Variants in MELK observed in about 807,000 individuals in gnomAD.
MELK encodes the protein maternal embryonic leucine zipper kinase.
A neutral mutation model predicts 85.0 loss-of-function variants in MELK; 81 were observed. That is an observed-to-expected ratio of 0.95 (90% CI 0.80 to 1.15). MELK has a LOEUF of 1.15. Among genes scored for constraint, MELK ranks in the 50% most tolerant of loss-of-function variants. The probability of loss-of-function intolerance (pLI) is 0.00; values close to 1 mark genes in which losing one functional copy is unlikely to be tolerated. For synonymous variants in MELK, 252 were observed against 265.0 expected (o/e 0.95, Z 0.48); for missense variants, 754 against 777.5 (o/e 0.97, Z 0.36).
Position 36,643,052 on chromosome 9 carries a change from A to G in MELK, c.890A>G (p.Asn297Ser). 6.2e-7 allele frequency: 1 copy of G among 1,613,382 alleles called. No individual in the cohort carries two copies. The change falls in exon 11 of 18, where the codon AAC becomes AGC. Residue 297 changes from asparagine (N) to serine (S), a missense_variant. Coordinates refer to ENST00000298048, the MANE Select transcript of MELK (RefSeq NM_014791.4). Reference protein sequence around the residue: ...VTELSVHHRNNRQTMEDLISL... With the variant: ...VTELSVHHRNSRQTMEDLISL... ...GAACTTTCTGTACATCACAGAAACA[A>G]CAGGCAAACAATGGAGGATTTAATT...
intron 8 of MELK, among the ~76,000 whole-genome samples, chr9:36,627,524 C>CT (rs150933274): frequency 0.12 from 16,346 of 134,466 alleles, 1,571 homozygotes; most frequent in African/African-American, 0.24. Flanking sequence ...CTCTCTCTCT[C>CT]TTTTTTTTTT....
chr9:36,607,653 G>C lies in MELK; in HGVS notation c.646G>C (p.Ala216Pro), dbSNP rs1315191230. 5 of 1,605,174 alleles carry C rather than the reference G, an allele frequency of 3.1e-6. No individual in the cohort carries two copies. The highest frequency in any genetic ancestry group is 4.3e-6 in the Non-Finnish European group (5 of 1,171,982). ...ACCATTTGATGATGATAATGTAATGGCTTTATACAAGAAGATTATGGTGAG... is the reference window on the plus strand; with the variant it reads ...ACCATTTGATGATGATAATGTAATGCCTTTATACAAGAAGATTATGGTGAG... The part of the protein sequence containing the change: ...FLPFDDDNVM[A>P]LYKKIMRGKY... Residue 216 changes from alanine to proline, a missense_variant, in exon 8 of 18, where the codon GCT (alanine) becomes CCT (proline). By Grantham distance (27) the Ala-to-Pro change is conservative. Transcript: ENST00000298048.
At chr9:36,597,617 A>G (rs1455734197) in intron 6 of MELK, among the ~76,000 whole-genome samples, 1 of 152,168 alleles carries the variant, frequency 6.6e-6, no homozygotes, top group Non-Finnish European at 1.5e-5. Context: ...GTTTGAGTAT[A>G]TTGCCACTAG....
chr9:36,607,216 T>A (rs1216364098), intron 7 of MELK, among the ~76,000 whole-genome samples: 1 of 152,242 alleles, frequency 6.6e-6, no homozygotes, highest in Non-Finnish European at 1.5e-5. Flanking sequence ...TACATAATCT[T>A]CATATGTAAC....
chr9:36,598,912 A>G (rs1824597602), intron 6 of MELK, among the ~76,000 whole-genome samples: 1 of 152,222 alleles, frequency 6.6e-6, no homozygotes, highest in Admixed American at 6.5e-5. Context: ...ACGTGCATGC[A>G]CACATGTATA....
At chr9:36,577,187 G>A (rs1055263410) in intron 1 of MELK, among the ~76,000 whole-genome samples, 3 of 152,090 alleles carry the variant, frequency 2.0e-5, no homozygotes, top group Non-Finnish European at 2.9e-5. Context: ...GGTAGTTTAC[G>A]TGGCACCTGC....
chr9:36,674,900 A>C lies in MELK; in HGVS notation c.1741A>C (p.Ile581Leu). 1 of 1,598,370 alleles carries C rather than the reference A, an allele frequency of 6.3e-7. No individual in the cohort carries two copies. The highest frequency in any genetic ancestry group is 1.1e-5 in the South Asian group (1 of 90,772). ...PDQLLNEIMS[I>L]LPKKHVDFVQ... ...TCAACTGTTGAATGAAATAATGTCTATTCTTCCAAAGAAGCATGTTGACTT... is the reference window on the plus strand; with the variant it reads ...TCAACTGTTGAATGAAATAATGTCTCTTCTTCCAAAGAAGCATGTTGACTT... Residue 581 changes from isoleucine (I) to leucine (L), a missense_variant, in exon 17 of 18, where the codon ATT becomes CTT. By Grantham distance (5) the Ile-to-Leu change is conservative. Coordinates refer to ENST00000298048, the MANE Select transcript of MELK (RefSeq NM_014791.4).
intron 13 of MELK, among the ~76,000 whole-genome samples, chr9:36,662,865 T>C (rs1380649965): frequency 2.0e-5 from 3 of 152,164 alleles, no homozygotes; most frequent in Non-Finnish European, 4.4e-5. Flanking sequence ...GGCTACTGCG[T>C]TGCACACCTC....
At chr9:36,591,710 C>T (rs1823604445) in intron 4 of MELK, among the ~76,000 whole-genome samples, 1 of 152,122 alleles carries the variant, frequency 6.6e-6, no homozygotes, top group South Asian at 2.1e-4. Flanking sequence ...GTGGGAAGAT[C>T]ACTTGAGCTA....
chr9:36,633,805 T>C (rs1426148143), intron 10 of MELK, among the ~76,000 whole-genome samples: 1 of 152,206 alleles, frequency 6.6e-6, no homozygotes, highest in African/African-American at 2.4e-5. Flanking sequence ...GCCACCTGCT[T>C]CTGTGTTCAG....
At position 36,630,429 on chromosome 9, in the gene MELK, T is replaced by A. The variant is rs1040673656; in HGVS notation, c.735+62T>A. ...ATTGTTTGGTTCAACTTTTAAGATA[T>A]CTGTGGTGCTACATCATTTCCTATT... On this transcript the variant is annotated intron_variant, in intron 9 of 17. Coordinates refer to ENST00000298048, the MANE Select transcript of MELK (RefSeq NM_014791.4). 4 of 1,297,910 alleles carry A rather than the reference T, an allele frequency of 3.1e-6. No homozygotes were observed. The African/African-American group carries it at 5.8e-5, about 19-fold the overall frequency. The allele number at this position is 1,297,910 out of a possible 1,614,324, so 80.4% of individuals were successfully genotyped here. A position where few individuals can be genotyped will look rare whatever the true frequency, so the allele number is the denominator to read the frequency against.
chr9:36,652,399 C>CT (rs911816828), intron 12 of MELK, among the ~76,000 whole-genome samples: 5 of 151,112 alleles, frequency 3.3e-5, no homozygotes, highest in South Asian at 4.2e-4. Context: ...CCCCTGACTC[C>CT]TTTTTTTTCA....
At chr9:36,591,538 C>T (rs976507376) in intron 4 of MELK, among the ~76,000 whole-genome samples, 1 of 151,758 alleles carries the variant, frequency 6.6e-6, no homozygotes, top group Non-Finnish European at 1.5e-5. Context: ...CATGCCACTG[C>T]ACTCCAGCCT....
intron 13 of MELK, among the ~76,000 whole-genome samples, chr9:36,657,666 C>T (rs548697205): frequency 2.0e-5 from 3 of 152,346 alleles, no homozygotes; most frequent in Admixed American, 2.0e-4. Context: ...TCTCGGCTCA[C>T]TGCAACCTCT....
chr9:36,657,338 G>C lies in MELK; in HGVS notation c.1151G>C (p.Gly384Ala). The C allele has an allele frequency of 1.9e-6, 3 of 1,611,916 alleles. No individual in the cohort carries two copies. Among genetic ancestry groups the C allele is most frequent in the Non-Finnish European group, 2.5e-6 (3 of 1,179,472 alleles). The change falls in exon 13 of 18, where the codon GGT (glycine) becomes GCT (alanine). Residue 384 changes from glycine (G) to alanine (A), a missense_variant. By Grantham distance (60) the Gly-to-Ala change is moderately conservative (BLOSUM62 0). Transcript: ENST00000298048. ...TGGTGTGAAGATGATTTATCAACAG[G>C]TGCTGCTACTCCCCGAACATCACAG... ...YDWCEDDLST[G>A]AATPRTSQFT...
intron 7 of MELK, among the ~76,000 whole-genome samples, chr9:36,602,487 CAAAAAAAAAAAA>C (rs765623860): frequency 2.4e-5 from 1 of 41,372 alleles, no homozygotes; most frequent in Admixed American, 3.1e-4. Flanking sequence ...AAGACTGTCT[CAAAAAAAAAAAA>C]AAAAAAAAAG....
intron 8 of MELK, among the ~76,000 whole-genome samples, chr9:36,615,715 T>G (rs1402330695): frequency 1.4e-5 from 2 of 138,192 alleles, no homozygotes; most frequent in East Asian, 2.2e-4. Context: ...ACATCCCAGA[T>G]GGGGCGGCGG....
At position 36,615,723 on chromosome 9, in the gene MELK, C is replaced by G. The variant is rs1284967833; in HGVS notation, c.666+8050C>G. 6.2e-5 allele frequency among the ~76,000 whole-genome samples: 9 copies of G among 145,414 alleles called. No individual in the cohort carries two copies. In the East Asian group the frequency reaches 1.8e-3, roughly 29 times the overall value. ...GCTCCTCACATCCCAGATGGGGCGG[C>G]GGGGCAGAGGCGCTCCCCACATCTC... On this transcript the variant is annotated intron_variant, in intron 8 of 17. Transcript: ENST00000298048.
intron 7 of MELK, among the ~76,000 whole-genome samples, chr9:36,600,049 A>G (rs564129745): frequency 2.0e-5 from 3 of 152,306 alleles, no homozygotes; most frequent in East Asian, 1.9e-4. Context: ...GAAGTGCTCA[A>G]ACAGGTTTCC....
Sources: gnomAD v4.1 joint callset for allele counts (sites outside exome capture counted in the v4.1 genomes callset) on GRCh38, gnomAD v4.1.1 for gene constraint, MANE v1.5 for transcripts, NCBI Gene and HGNC (gene_info 2026-07-23, HGNC 2026-07-21) for gene names.